The following AHR variants were observed in gnomAD, a reference collection of about 807,000 sequenced individuals.
The protein encoded by AHR is AH-receptor.
A neutral mutation model predicts 86.8 loss-of-function variants in AHR; 40 were observed. That is an observed-to-expected ratio of 0.46 (90% confidence interval 0.36 to 0.60). The LOEUF (loss-of-function observed/expected upper bound fraction) is 0.60. Among genes scored for constraint, AHR ranks in the 20% least tolerant of loss-of-function variants. AHR has a pLI of 0.00. For missense variants in AHR, 1,001 were observed against 1,011.6 expected (o/e 0.99, Z 0.14); for synonymous variants, 398 against 354.9 (o/e 1.12, Z -1.37).
Position 17,312,092 on chromosome 7 carries a change from A to G in AHR, c.253+1969A>G, listed in dbSNP as rs572411959. ...AGATGCATATTGAAGTTTAGGAGCC[A>G]CTGCTGTAGATTGTAACTTCAGGCC... On this transcript the variant is annotated intron_variant, in intron 2 of 10. Transcript: ENST00000242057. Among the ~76,000 whole-genome samples the G allele has an allele frequency of 7.9e-5, 12 of 152,320 alleles. No homozygotes were observed. In the East Asian group the frequency reaches 1.7e-3, roughly 22 times the overall value.
Position 17,330,902 on chromosome 7 carries a change from T to C in AHR, c.705+16T>C, listed in dbSNP as rs774215155. 25 of 1,609,426 alleles carry C rather than the reference T, an allele frequency of 1.6e-5. No homozygotes were observed. The South Asian group carries it at 2.5e-4, about 16-fold the overall frequency. ...TGGTTTTCTGGTAAGGTACAAAATTTTATGATACTGGCTTTTACTATTGTT... is the reference window on the plus strand; with the variant it reads ...TGGTTTTCTGGTAAGGTACAAAATTCTATGATACTGGCTTTTACTATTGTT... On this transcript the variant is annotated intron_variant, in intron 6 of 10. Coordinates refer to ENST00000242057, the MANE Select transcript of AHR (RefSeq NM_001621.5).
rs138518241 is a variant in AHR, at chr7:17,321,767, A to G, written c.254-734A>G. Among the ~76,000 whole-genome samples, 206 of 152,142 alleles carry G rather than the reference A, an allele frequency of 1.4e-3. 1 individual carries two copies. The highest frequency in any genetic ancestry group is 4.6e-3 in the African/African-American group (192 of 41,570). On this transcript the variant is annotated intron_variant, in intron 2 of 10. Coordinates refer to ENST00000242057, the MANE Select transcript of AHR (RefSeq NM_001621.5). Reference sequence around the variant, plus strand: ...AGCCACTTTACAAGATGTAATACCTAGGAGTAAATATAAAGATACCTGTGC... The same window carrying G: ...AGCCACTTTACAAGATGTAATACCTGGGAGTAAATATAAAGATACCTGTGC...
At chr7:17,321,306 A>G (rs1234798157) in intron 2 of AHR, among the ~76,000 whole-genome samples, 1 of 151,940 alleles carries the variant, frequency 6.6e-6, no homozygotes, top group Non-Finnish European at 1.5e-5. Flanking sequence ...TGTGTCAGAA[A>G]CTTTACATAT....
rs1782461221 is a variant in AHR at position 17,344,540 on chromosome 7, G to A, written c.*1476G>A. On this transcript the variant is annotated 3_prime_UTR_variant, in exon 11 of 11. Transcript: ENST00000242057. Reference sequence around the variant, plus strand: ...CTTTAGGTTTTTTTAATGATATACTGATCTTCATTACCAATAGGCAAATTA... The same window carrying A: ...CTTTAGGTTTTTTTAATGATATACTAATCTTCATTACCAATAGGCAAATTA... 1 of 151,074 alleles carries A rather than the reference G, an allele frequency of 6.6e-6. No homozygotes were observed. The highest frequency in any genetic ancestry group is 6.6e-5 in the Admixed American group (1 of 15,146). 9.4% of individuals were successfully genotyped at this position (151,074 alleles called of 1,614,324 possible). A position where few individuals can be genotyped will look rare whatever the true frequency, so the allele number is the denominator to read the frequency against.
rs748225641 is a variant in AHR at position 17,339,117 on chromosome 7, C to T, written c.1292C>T (p.Thr431Ile). The change falls in exon 10 of 11, where the codon ACT becomes ATT. Residue 431 changes from threonine (T) to isoleucine (I), a missense_variant. Around this residue, in one of 2 missense-constraint regions of AHR, gnomAD observed 607 missense variants for 543.1 expected, o/e 1.12. Transcript: ENST00000242057. The stretch of plus-strand genomic sequence containing the variant: ...ATAATGGATCCCTTACCACTAAGGA[C>T]TAAAAATGGCACTAGTGGAAAAGAC... The part of the protein sequence containing the change: ...PAIMDPLPLR[T>I]KNGTSGKDSA... 66 of 1,614,006 alleles carry T rather than the reference C, an allele frequency of 4.1e-5. No individual in the cohort carries two copies. The highest frequency in any genetic ancestry group is 5.2e-5 in the Non-Finnish European group (61 of 1,180,026).
intron 1 of AHR, among the ~76,000 whole-genome samples, chr7:17,299,936 G>T (rs1380384313): frequency 1.3e-5 from 2 of 152,220 alleles, no homozygotes. Flanking sequence ...AGTGGTAGCA[G>T]GTGGGAGTGG....
At chr7:17,336,030 G>A in intron 9 of AHR, 1 of 344,524 alleles carries the variant, frequency 2.9e-6, no homozygotes, top group Non-Finnish European at 5.2e-6. Flanking sequence ...TTGGGCATAT[G>A]AAAGACACAT....
chr7:17,339,493 G>T lies in AHR; in HGVS notation c.1668G>T (p.Met556Ile). 6 of 1,614,018 alleles carry T rather than the reference G, an allele frequency of 3.7e-6. No individual in the cohort carries two copies. Among genetic ancestry groups the T allele is most frequent in the Non-Finnish European group, 5.1e-6 (6 of 1,179,984 alleles). The change falls in exon 10 of 11, where the codon ATG (methionine) becomes ATT (isoleucine). Residue 556 changes from methionine to isoleucine, a missense_variant. Transcript: ENST00000242057. Reference sequence around the variant, plus strand: ...TTGATTTTGAAGACATCAGACACATGCAGAATGAAAAATTTTTCAGAAATG... The same window carrying T: ...TTGATTTTGAAGACATCAGACACATTCAGAATGAAAAATTTTTCAGAAATG... ...LGIDFEDIRH[M>I]QNEKFFRNDF...
chr7:17,329,269 T>C (rs1473874377), intron 4 of AHR, among the ~76,000 whole-genome samples: 1 of 151,986 alleles, frequency 6.6e-6, no homozygotes, highest in Admixed American at 6.6e-5. Context: ...CACAGTGTTA[T>C]CTCATGTAAT....
At chr7:17,331,070 C>T (rs1313150067) in intron 6 of AHR, among the ~76,000 whole-genome samples, 184 bp downstream of exon 6, 2 of 151,966 alleles carry the variant, frequency 1.3e-5, no homozygotes, top group African/African-American at 4.8e-5. Flanking sequence ...ACAGAAAATG[C>T]AAGTGAGGTA....
At chr7:17,311,529 G>A (rs1782064178) in intron 2 of AHR, among the ~76,000 whole-genome samples, 2 of 152,132 alleles carry the variant, frequency 1.3e-5, no homozygotes, top group South Asian at 4.1e-4. Context: ...TTTCGTCTGA[G>A]CATCTTTTTA....
chr7:17,307,936 C>G (rs1388392822), intron 1 of AHR, among the ~76,000 whole-genome samples: 1 of 152,166 alleles, frequency 6.6e-6, no homozygotes, highest in African/African-American at 2.4e-5. Context: ...TTACTCATGT[C>G]TGTCCTGAAA....
chr7:17,316,660 C>A (rs1239077899), intron 2 of AHR, among the ~76,000 whole-genome samples: 1 of 152,062 alleles, frequency 6.6e-6, no homozygotes, highest in Non-Finnish European at 1.5e-5. Context: ...ACATAAAGAA[C>A]CTTAATGAAT....
chr7:17,299,061 T>C lies in AHR; in HGVS notation c.-204T>C. On this transcript the variant is annotated 5_prime_UTR_variant, in exon 1 of 11. Coordinates refer to ENST00000242057, the MANE Select transcript of AHR (RefSeq NM_001621.5). The stretch of plus-strand genomic sequence containing the variant: ...CTGCGCCAGGCCCAGGCAGCTCACC[T>C]GTACTGGCGCGGGCTGCGGAAGCCT... 1 of 538,414 alleles carries C rather than the reference T, an allele frequency of 1.9e-6. No homozygotes were observed. Among genetic ancestry groups the C allele is most frequent in the Non-Finnish European group, 3.1e-6 (1 of 320,388 alleles). The allele number at this position is 538,414 out of a possible 1,614,324, so 33.4% of individuals were successfully genotyped here.
rs532036413 is a variant in AHR, at chr7:17,329,694, G to A, written c.451-258G>A. Among the ~76,000 whole-genome samples the A allele has an allele frequency of 2.6e-5, 4 of 152,022 alleles. No homozygotes were observed. In the East Asian group the frequency reaches 5.8e-4, roughly 22 times the overall value. ...TAATATGTTGCATTTAAGGAATGGGGATGTGACTTATTTGAGCAAGAGCAT... is the reference window on the plus strand; with the variant it reads ...TAATATGTTGCATTTAAGGAATGGGAATGTGACTTATTTGAGCAAGAGCAT... On this transcript the variant is annotated intron_variant, in intron 4 of 10. Coordinates refer to ENST00000242057, the MANE Select transcript of AHR (RefSeq NM_001621.5).
intron 1 of AHR, 66 bp downstream of exon 1, chr7:17,299,395 G>A: frequency 2.6e-6 from 4 of 1,526,952 alleles, no homozygotes; most frequent in Non-Finnish European, 3.6e-6. Flanking sequence ...GCGGGAGGCA[G>A]CCCCACCCCG....
chr7:17,339,543 G>C lies in AHR; in HGVS notation c.1718G>C (p.Arg573Thr). 6.2e-7 allele frequency: 1 copy of C among 1,614,166 alleles called. No homozygotes were observed. Among genetic ancestry groups the C allele is most frequent in the Non-Finnish European group, 8.5e-7 (1 of 1,180,030 alleles). ...RNDFSGEVDF[R>T]DIDLTDEILT... ...GATTTTTCTGGTGAGGTTGACTTCAGAGACATTGACTTAACGGATGAAATC... is the reference window on the plus strand; with the variant it reads ...GATTTTTCTGGTGAGGTTGACTTCACAGACATTGACTTAACGGATGAAATC... Residue 573 changes from arginine (R) to threonine (T), a missense_variant, in exon 10 of 11, where the codon AGA becomes ACA. Arg to Thr is a moderately conservative substitution (Grantham distance 71, BLOSUM62 -1). This residue lies in a region of AHR where 607 missense variants were observed against 543.1 expected (regional missense o/e 1.12). Coordinates refer to ENST00000242057, the MANE Select transcript of AHR (RefSeq NM_001621.5).
chr7:17,342,983 G>A lies in AHR; in HGVS notation c.2466G>A (p.Gln822=), dbSNP rs1278858567. 3 of 1,613,286 alleles carry A rather than the reference G, an allele frequency of 1.9e-6. No individual in the cohort carries two copies. The highest frequency in any genetic ancestry group is 2.2e-5 in the East Asian group (1 of 44,870). The change falls in exon 11 of 11, where the codon CAG becomes CAA. Residue 822 remains glutamine, a synonymous_variant. Coordinates refer to ENST00000242057, the MANE Select transcript of AHR (RefSeq NM_001621.5). ...AATTAAATAACATAAATAACACTCA[G>A]ACTACCACACATCTTCAGCCACTTC... ...PAELNNINNT[Q]TTTHLQPLHH...
intron 4 of AHR, among the ~76,000 whole-genome samples, chr7:17,328,180 A>G (rs1379644968): frequency 2.6e-5 from 4 of 151,978 alleles, no homozygotes; most frequent in Non-Finnish European, 5.9e-5. Flanking sequence ...TATGACAACT[A>G]TGAAATGAAT....
Sources: gnomAD v4.1 joint callset for allele counts (sites outside exome capture counted in the v4.1 genomes callset) on GRCh38, gnomAD v4.1.1 for gene constraint, gnomAD v4.1.1 regional missense constraint, MANE v1.5 for transcripts, NCBI Gene and HGNC (gene_info 2026-07-23, HGNC 2026-07-21) for gene names.